Variants in RASSF8 observed in about 807,000 individuals in gnomAD.
RASSF8 encodes Ras association domain family member 8.
A neutral mutation model predicts 48.5 loss-of-function variants in RASSF8; 22 were observed. The observed-to-expected ratio is 0.45, with a 90% CI of 0.32 to 0.65. RASSF8 has a LOEUF of 0.65. Ranked by LOEUF, RASSF8 falls within the 30% of genes least tolerant of loss-of-function variation. The pLI, the probability that RASSF8 is intolerant of heterozygous loss-of-function variation, is 0.03. For missense variants in RASSF8, 418 were observed against 489.2 expected (o/e 0.85, Z 1.37); for synonymous variants, 127 against 171.5 (o/e 0.74, Z 2.03).
At chr12:26,009,407 A>G (rs753464161) in intron 2 of RASSF8, among the ~76,000 whole-genome samples, 3 of 152,184 alleles carry the variant, frequency 2.0e-5, no homozygotes, top group Non-Finnish European at 4.4e-5. Context: ...GGTTGTCACA[A>G]TGATGGGAAG....
intron 3 of RASSF8, among the ~76,000 whole-genome samples, chr12:26,063,729 T>C (rs983652737): frequency 6.7e-6 from 1 of 149,224 alleles, no homozygotes; most frequent in Admixed American, 6.7e-5. Context: ...ATATTTTGCT[T>C]TGAGTTTTTT....
At chr12:25,994,822 A>G (rs1187353051) in intron 1 of RASSF8, among the ~76,000 whole-genome samples, 3 of 152,248 alleles carry the variant, frequency 2.0e-5, no homozygotes, top group African/African-American at 7.2e-5. Flanking sequence ...AAAAATGCTA[A>G]TTGAAACCAA....
chr12:25,965,246 C>T (rs1941331227), intron 1 of RASSF8, among the ~76,000 whole-genome samples: 1 of 151,922 alleles, frequency 6.6e-6, no homozygotes, highest in Non-Finnish European at 1.5e-5. Context: ...CAGCCTTAAA[C>T]AGCTTTATTG....
intron 2 of RASSF8, among the ~76,000 whole-genome samples, chr12:26,035,463 T>TGA (rs375085888): frequency 5.1e-4 from 50 of 98,812 alleles, no homozygotes; most frequent in Non-Finnish European, 7.0e-4. Flanking sequence ...TGAAATTATA[T>TGA]AATTATATTA....
downstream of RASSF8, among the ~76,000 whole-genome samples, chr12:26,076,859 G>A (rs761464772): frequency 6.6e-6 from 1 of 152,122 alleles, no homozygotes; most frequent in African/African-American, 2.4e-5. Flanking sequence ...CACAATGGTC[G>A]AACTAGTTTA....
At chr12:26,002,558 G>A (rs1533244) in intron 2 of RASSF8, among the ~76,000 whole-genome samples, 18,808 of 152,120 alleles carry the variant, frequency 0.12, 1,548 homozygotes, top group Admixed American at 0.19. Context: ...GGCAGATCAC[G>A]AGGTCAGGAG....
Position 26,072,118 on chromosome 12 carries a change from G to GAT in RASSF8, c.*3302_*3303dup. 1 of 985,248 alleles carries GAT rather than the reference G, an allele frequency of 1.0e-6. No homozygotes were observed. The highest frequency in any genetic ancestry group is 1.2e-6 in the Non-Finnish European group (1 of 829,770). The allele number at this position is 985,248 out of a possible 1,614,324, so 61.0% of individuals were successfully genotyped here. ...ACAGTTCCCATTGTGCATTGCCTTT[G>GAT]ATAAATTTGGCCTTAATTTATATAA... On this transcript the variant is annotated 3_prime_UTR_variant, in exon 6 of 6. Transcript: ENST00000689635.
intron 2 of RASSF8, chr12:26,020,425 A>G (rs1015098545): frequency 4.0e-4 from 61 of 152,238 alleles, no homozygotes; most frequent in African/African-American, 1.4e-3. Context: ...CTGCATCTCC[A>G]GGAAACTACT....
Position 26,012,898 on chromosome 12 carries a change from A to G in RASSF8, c.-109+17768A>G, listed in dbSNP as rs78205269. Among the ~76,000 whole-genome samples the G allele has an allele frequency of 1.4e-3, 212 of 152,150 alleles. 1 individual carries two copies. The highest frequency in any genetic ancestry group is 4.9e-3 in the African/African-American group (203 of 41,524). On this transcript the variant is annotated intron_variant, in intron 2 of 5. Coordinates refer to ENST00000689635, the MANE Select transcript of RASSF8 (RefSeq NM_001394098.1). ...ACTTTGTTGCCCAGGCTGGTCTCGA[A>G]CTGCTGGGCTGAAGCAATCCTTCTG... is the stretch of plus-strand genomic sequence containing the variant.
intron 1 of RASSF8, among the ~76,000 whole-genome samples, chr12:25,962,698 A>G (rs1213161711): frequency 6.6e-6 from 1 of 152,094 alleles, no homozygotes; most frequent in Non-Finnish European, 1.5e-5. Flanking sequence ...AGCTGGGACT[A>G]CAGGTGTGTG....
chr12:26,026,061 G>C (rs960811208), intron 2 of RASSF8, among the ~76,000 whole-genome samples: 5 of 152,138 alleles, frequency 3.3e-5, no homozygotes, highest in African/African-American at 1.2e-4. Flanking sequence ...AAATCCTCTT[G>C]ATCCTGAATT....
At chr12:25,958,234 A>G (rs1941125659), upstream of RASSF8, 1 of 151,928 alleles carries the variant, frequency 6.6e-6, no homozygotes, top group Non-Finnish European at 1.5e-5. Context: ...GTGACCGTAG[A>G]GGGCAGTTTG....
At chr12:26,075,257 G>A (rs1463443475), downstream of RASSF8, among the ~76,000 whole-genome samples, 4 of 152,252 alleles carry the variant, frequency 2.6e-5, no homozygotes, top group African/African-American at 9.6e-5. Context: ...TGATGGCTGT[G>A]GGTCTCTCAG....
intron 2 of RASSF8, among the ~76,000 whole-genome samples, chr12:26,020,984 ATTTGTTT>A (rs2137062601): frequency 6.6e-6 from 1 of 152,316 alleles, no homozygotes; most frequent in African/African-American, 2.4e-5. Flanking sequence ...AAGTTGCAGT[ATTTGTTT>A]TTTGTTTATC....
At chr12:26,026,637 T>C (rs371917984) in intron 2 of RASSF8, among the ~76,000 whole-genome samples, 1 of 152,154 alleles carries the variant, frequency 6.6e-6, no homozygotes, top group Non-Finnish European at 1.5e-5. Flanking sequence ...GGTTTCACCA[T>C]GTTGCCCAGG....
At chr12:25,965,882 T>C (rs904629572) in intron 1 of RASSF8, among the ~76,000 whole-genome samples, 8 of 152,234 alleles carry the variant, frequency 5.3e-5, no homozygotes, top group African/African-American at 1.9e-4. Context: ...TTCCTCTTCA[T>C]TGCTGAGTAG....
intron 1 of RASSF8, among the ~76,000 whole-genome samples, chr12:25,979,588 C>G (rs1941690063): frequency 6.6e-6 from 1 of 152,136 alleles, no homozygotes; most frequent in Non-Finnish European, 1.5e-5. Flanking sequence ...CACAATAACC[C>G]CATGAAAGTC....
At position 25,997,846 on chromosome 12, in the gene RASSF8, C is replaced by T. The variant is rs1044169575; in HGVS notation, c.-109+2716C>T. Among the ~76,000 whole-genome samples the T allele has an allele frequency of 2.0e-5, 3 of 152,002 alleles. No individual in the cohort carries two copies. In the South Asian group the frequency reaches 6.2e-4, roughly 31 times the overall value. On this transcript the variant is annotated intron_variant, in intron 2 of 5. Coordinates refer to ENST00000689635, the MANE Select transcript of RASSF8 (RefSeq NM_001394098.1). ...CATTGTGACCTAATTATTTTATTTCCGTTTTTAGAAGATGAGTAATAATTT... is the reference window on the plus strand; with the variant it reads ...CATTGTGACCTAATTATTTTATTTCTGTTTTTAGAAGATGAGTAATAATTT...
At chr12:26,055,138 A>G (rs1354927612) in intron 2 of RASSF8, 98 bp from the exon 3 acceptor site, 1 of 557,774 alleles carries the variant, frequency 1.8e-6, no homozygotes, top group East Asian at 3.0e-5. Context: ...CTTCAGTAAG[A>G]TTATGATATG....
Sources: gnomAD v4.1 joint callset for allele counts (sites outside exome capture counted in the v4.1 genomes callset) on GRCh38, gnomAD v4.1.1 for gene constraint, MANE v1.5 for transcripts, NCBI Gene and HGNC (gene_info 2026-07-23, HGNC 2026-07-21) for gene names.